Variants in MARCO observed in about 807,000 individuals in gnomAD.
The protein encoded by MARCO is macrophage receptor MARCO.
A neutral mutation model predicts 70.0 loss-of-function variants in MARCO; 72 were observed. That is an observed-to-expected ratio of 1.03 (90% CI 0.85 to 1.25). MARCO has a LOEUF of 1.25. Among genes scored for constraint, MARCO ranks in the 50% most tolerant of loss-of-function variants. The pLI, the probability that MARCO is intolerant of heterozygous loss-of-function variation, is 0.00. For missense variants in MARCO, 696 were observed against 659.3 expected, an observed-to-expected ratio of 1.06 and a Z score of -0.61; for synonymous variants, 273 against 243.1, an observed-to-expected ratio of 1.12 and a Z score of -1.14.
chr2:118,947,835 T>C (rs769531304), intron 1 of MARCO, among the ~76,000 whole-genome samples: 7 of 152,226 alleles, frequency 4.6e-5, no homozygotes, highest in Non-Finnish European at 1.0e-4. Context: ...TGCCTTTCCA[T>C]ATAAATTTAA....
chr2:118,954,229 G>A (rs920698158), intron 1 of MARCO, among the ~76,000 whole-genome samples: 2 of 152,164 alleles, frequency 1.3e-5, no homozygotes, highest in Non-Finnish European at 2.9e-5. Context: ...TGTTGCTGGG[G>A]GCACAGTGGG....
intron 1 of MARCO, among the ~76,000 whole-genome samples, chr2:118,961,253 A>T (rs1053228928): frequency 2.0e-5 from 3 of 151,994 alleles, no homozygotes; most frequent in Admixed American, 6.6e-5. Flanking sequence ...TTGCTGGGTC[A>T]AATGGTATTT....
rs1177084380 is a variant in MARCO at position 118,971,526 on chromosome 2, G to A, written c.452G>A (p.Gly151Asp). Residue 151 changes from glycine to aspartate, a missense_variant, in exon 4 of 17, where the codon GGC becomes GAC. By Grantham distance (94) the Gly-to-Asp change is moderately conservative. Transcript: ENST00000327097. ...ATGTTCAGAATCAAAGGTGAACAAGGCGCCCCAGGTAGGTTCATTTCCACT... is the reference window on the plus strand; with the variant it reads ...ATGTTCAGAATCAAAGGTGAACAAGACGCCCCAGGTAGGTTCATTTCCACT... ...PGMFRIKGEQ[G>D]APGLQGHKGA... is the part of the protein sequence containing the mutation. The A allele has an allele frequency of 1.2e-6, 2 of 1,613,906 alleles. No homozygotes were observed. Among genetic ancestry groups the A allele is most frequent in the South Asian group, 2.2e-5 (2 of 91,066 alleles).
At chr2:118,957,420 C>G (rs552127851) in intron 1 of MARCO, among the ~76,000 whole-genome samples, 1 of 151,974 alleles carries the variant, frequency 6.6e-6, no homozygotes, top group Non-Finnish European at 1.5e-5. Flanking sequence ...AAAAATACAA[C>G]GTTCCTAGCT....
At chr2:118,977,601 ACAGCC>A in intron 7 of MARCO, 86 bp downstream of exon 7, 1 of 802,104 alleles carries the variant, frequency 1.2e-6, no homozygotes, top group Non-Finnish European at 1.7e-6. Context: ...TCCTCTTTCC[ACAGCC>A]CCACCCCAGC....
intron 8 of MARCO, 85 bp downstream of exon 8, chr2:118,978,020 G>A: frequency 1.2e-6 from 1 of 833,448 alleles, no homozygotes; most frequent in South Asian, 1.7e-5. Context: ...GGTCTATTCA[G>A]TGCCCACTGA....
intron 1 of MARCO, among the ~76,000 whole-genome samples, chr2:118,957,507 C>T (rs1679860435): frequency 6.6e-6 from 1 of 151,374 alleles, no homozygotes; most frequent in Non-Finnish European, 1.5e-5. Context: ...AAAATTACCC[C>T]CCAAAAACAA....
At position 118,946,967 on chromosome 2, in the gene MARCO, G is replaced by C. The variant is rs182515729; in HGVS notation, c.97+4570G>C. ...AAATACCATATGTATAGCCTCTTCA[G>C]TGAAATGTCTCTTTGTGTCTTTTGC... On this transcript the variant is annotated intron_variant, in intron 1 of 16. Coordinates refer to ENST00000327097, the MANE Select transcript of MARCO (RefSeq NM_006770.4). 2.8e-3 allele frequency among the ~76,000 whole-genome samples: 422 copies of C among 152,286 alleles called. 1 individual carries two copies. The highest frequency in any genetic ancestry group is 3.8e-3 in the Non-Finnish European group (260 of 68,022).
At chr2:118,991,481 C>T (rs933305393) in intron 13 of MARCO, among the ~76,000 whole-genome samples, 14 of 152,160 alleles carry the variant, frequency 9.2e-5, no homozygotes, top group Non-Finnish European at 1.9e-4. Context: ...AACATTCTAG[C>T]AAATTCTCCC....
At chr2:118,976,660 C>A (rs891055199) in intron 6 of MARCO, among the ~76,000 whole-genome samples, 1 of 152,200 alleles carries the variant, frequency 6.6e-6, no homozygotes, top group African/African-American at 2.4e-5. Flanking sequence ...AATTATGCAT[C>A]TGCTGAGGAC....
chr2:118,949,596 G>A (rs1679679746), intron 1 of MARCO: 1 of 151,794 alleles, frequency 6.6e-6, no homozygotes, highest in African/African-American at 2.4e-5. Context: ...AGAGTTGCTG[G>A]TGGTAGGAAT....
intron 10 of MARCO, among the ~76,000 whole-genome samples, 175 bp downstream of exon 10, chr2:118,981,831 G>A (rs1234439114): frequency 2.0e-5 from 3 of 152,142 alleles, no homozygotes; most frequent in Admixed American, 2.0e-4. Flanking sequence ...GGGCGGTGGG[G>A]GCAGGCCTCA....
intron 1 of MARCO, among the ~76,000 whole-genome samples, chr2:118,955,175 A>T (rs1046189490): frequency 6.6e-6 from 1 of 152,182 alleles, no homozygotes; most frequent in Non-Finnish European, 1.5e-5. Flanking sequence ...GGGAAAGGTG[A>T]AGCCCAATGC....
intron 1 of MARCO, among the ~76,000 whole-genome samples, chr2:118,954,603 G>A (rs535342925): frequency 2.0e-5 from 3 of 152,210 alleles, no homozygotes; most frequent in Non-Finnish European, 2.9e-5. Flanking sequence ...CCTCCTGGCA[G>A]GCCAACCAGC....
chr2:118,942,454 G>T, intron 1 of MARCO, 57 bp downstream of exon 1: 1 of 1,365,152 alleles, frequency 7.3e-7, no homozygotes, highest in Non-Finnish European at 1.0e-6. Flanking sequence ...TTCTGCTAGC[G>T]AGATACGAAA....
At chr2:118,986,621 G>A (rs1253982540) in intron 12 of MARCO, among the ~76,000 whole-genome samples, 2 of 26,348 alleles carry the variant, frequency 7.6e-5, no homozygotes, top group Non-Finnish European at 1.3e-4. Flanking sequence ...AAGAAAGAAA[G>A]AAAGAAAGAA....
At chr2:118,947,733 C>A (rs1679630260) in intron 1 of MARCO, among the ~76,000 whole-genome samples, 1 of 152,186 alleles carries the variant, frequency 6.6e-6, no homozygotes, top group South Asian at 2.1e-4. Context: ...GCTTTGATTA[C>A]TATAGTTATA....
chr2:118,981,667 C>G lies in MARCO; in HGVS notation c.901+11C>G. On this transcript the variant is annotated intron_variant, in intron 10 of 16. Coordinates refer to ENST00000327097, the MANE Select transcript of MARCO (RefSeq NM_006770.4). ...CTAAAGGAGATCAAGGTAAGAACTA[C>G]AGGAATCTGGGCATCATCCCAGCTA... 6.2e-7 allele frequency: 1 copy of G among 1,612,844 alleles called. No homozygotes were observed. The highest frequency in any genetic ancestry group is 8.5e-7 in the Non-Finnish European group (1 of 1,179,210).
At chr2:118,967,621 C>T (rs979034825) in intron 1 of MARCO, among the ~76,000 whole-genome samples, 1 of 152,076 alleles carries the variant, frequency 6.6e-6, no homozygotes, top group African/African-American at 2.4e-5. Context: ...ACCAACCCAC[C>T]AACAAAACCA....
Sources: allele counts gnomAD v4.1 joint callset (sites outside exome capture counted in the v4.1 genomes callset), GRCh38; gene constraint gnomAD v4.1.1; transcripts MANE v1.5; gene names NCBI Gene and HGNC (gene_info 2026-07-23, HGNC 2026-07-21).